The following CFAP251 variants were observed in gnomAD, a reference collection of about 807,000 sequenced individuals.
The protein encoded by CFAP251 is cilia- and flagella-associated protein 251.
Under a neutral mutation model 126.7 loss-of-function variants are expected in CFAP251, and 93 were observed. The observed-to-expected ratio is 0.73, with a 90% confidence interval of 0.62 to 0.87. The LOEUF is 0.87. Ranked by LOEUF, CFAP251 falls within the 40% of genes least tolerant of loss-of-function variation. CFAP251 has a pLI of 0.00. For synonymous variants in CFAP251, 503 were observed against 506.9 expected (o/e 0.99, Z 0.10); for missense variants, 1,287 against 1,389.2 (o/e 0.93, Z 1.17).
chr12:121,955,145 T>C (rs1881683562), intron 10 of CFAP251, among the ~76,000 whole-genome samples: 1 of 151,880 alleles, frequency 6.6e-6, no homozygotes. Flanking sequence ...AATACAAAAA[T>C]TAGGCAGGTG....
intron 8 of CFAP251, 41 bp downstream of exon 8, chr12:121,949,102 A>C: frequency 1.5e-6 from 2 of 1,332,368 alleles, no homozygotes; most frequent in Non-Finnish European, 2.1e-6. Flanking sequence ...TGTGGGTAGA[A>C]GTATGTGTTC....
At chr12:121,921,262 T>C (rs749259312) in intron 1 of CFAP251, 24 bp from the exon 2 acceptor site, 1 of 1,528,484 alleles carries the variant, frequency 6.5e-7, no homozygotes, top group Admixed American at 2.2e-5. Flanking sequence ...GGCCAGCTGG[T>C]TATTATGGTC....
At chr12:121,945,708 T>C (rs1678951) in intron 7 of CFAP251, among the ~76,000 whole-genome samples, 133,693 of 151,594 alleles carry the variant, frequency 0.88, 59,088 homozygotes, top group African/African-American at 0.95. Flanking sequence ...CTCTGTCACC[T>C]AGGCTGGAGT....
At chr12:122,001,798 C>T (rs1883158858) in intron 21 of CFAP251, 200 bp downstream of exon 21, 2 of 587,442 alleles carry the variant, frequency 3.4e-6, no homozygotes, top group East Asian at 5.8e-5. Context: ...CTCTGTCCGT[C>T]CTTTTGTTTC....
chr12:121,976,916 TAATA>T (rs1182386354), intron 19 of CFAP251, among the ~76,000 whole-genome samples: 5 of 152,112 alleles, frequency 3.3e-5, no homozygotes, highest in African/African-American at 7.2e-5. Context: ...TCAAAAAAAT[TAATA>T]AATAAATAAA....
rs1565911281 is a variant in CFAP251 at position 121,954,281 on chromosome 12, T to G, written c.1482T>G (p.Cys494Trp). The change falls in exon 10 of 22, where the codon TGT becomes TGG. Residue 494 changes from cysteine (C) to tryptophan (W), a missense_variant. Transcript: ENST00000288912. ...TFLGFPYIKPCKLVHLQKEGI... is the reference protein window; with the variant it reads ...TFLGFPYIKPWKLVHLQKEGI... ...TGGGCTTTCCCTATATCAAGCCTTGTAAATTGGTTCATTTGCAGAAAGAGG... is the reference window on the plus strand; with the variant it reads ...TGGGCTTTCCCTATATCAAGCCTTGGAAATTGGTTCATTTGCAGAAAGAGG... 5.6e-6 allele frequency: 9 copies of G among 1,614,056 alleles called. No individual in the cohort carries two copies. In the South Asian group the frequency reaches 9.9e-5, roughly 18 times the overall value.
At chr12:122,003,094 G>A (rs1033054152) in intron 21 of CFAP251, among the ~76,000 whole-genome samples, 1 of 152,120 alleles carries the variant, frequency 6.6e-6, no homozygotes, top group African/African-American at 2.4e-5. Flanking sequence ...ATCATACCAT[G>A]TGGTTAAGGC....
At chr12:121,981,645 C>T (rs1000359339) in intron 19 of CFAP251, among the ~76,000 whole-genome samples, 1 of 152,244 alleles carries the variant, frequency 6.6e-6, no homozygotes, top group Non-Finnish European at 1.5e-5. Flanking sequence ...GGCCTGCAGG[C>T]ACCTGAGGTT....
At chr12:121,958,568 C>T (rs1187124267) in intron 12 of CFAP251, 46 bp downstream of exon 12, 2 of 1,607,172 alleles carry the variant, frequency 1.2e-6, no homozygotes, top group South Asian at 2.2e-5. Flanking sequence ...ATGGACAGCC[C>T]TGAAAGGGAT....
At chr12:121,978,932 C>T (rs1882549013) in intron 19 of CFAP251, among the ~76,000 whole-genome samples, 1 of 152,124 alleles carries the variant, frequency 6.6e-6, no homozygotes, top group Non-Finnish European at 1.5e-5. Context: ...AAATTGCAGA[C>T]CCTATTGCTA....
At chr12:121,999,517 G>A (rs1883100315) in intron 19 of CFAP251, 199 bp from the exon 20 acceptor site, 1 of 452,746 alleles carries the variant, frequency 2.2e-6, no homozygotes, top group African/African-American at 2.0e-5. Context: ...TGTATTTTTA[G>A]TAGAGACAGG....
At chr12:121,935,247 G>A (rs980085721) in intron 5 of CFAP251, among the ~76,000 whole-genome samples, 7 of 152,216 alleles carry the variant, frequency 4.6e-5, no homozygotes, top group East Asian at 3.9e-4. Context: ...ATGAGCCACC[G>A]CATCCGATCT....
chr12:121,979,233 G>A (rs1336259157), intron 19 of CFAP251, among the ~76,000 whole-genome samples: 1 of 152,168 alleles, frequency 6.6e-6, no homozygotes, highest in Non-Finnish European at 1.5e-5. Context: ...CTCCTCTAAA[G>A]GTCTTTGGCT....
intron 17 of CFAP251, chr12:121,968,964 C>G (rs964342570): frequency 1.0e-6 from 1 of 985,422 alleles, no homozygotes; most frequent in Non-Finnish European, 1.2e-6. Flanking sequence ...CTACCCAAAT[C>G]CGGCATGCTG....
chr12:121,934,388 T>C (rs771257867), intron 5 of CFAP251, 32 bp downstream of exon 5: 2 of 1,522,690 alleles, frequency 1.3e-6, no homozygotes, highest in Admixed American at 1.7e-5. Context: ...CTTTTTTCCC[T>C]GAATTTCTGT....
At chr12:121,949,178 A>G (rs912594325) in intron 8 of CFAP251, 117 bp downstream of exon 8, 9 of 532,466 alleles carry the variant, frequency 1.7e-5, no homozygotes, top group East Asian at 6.9e-5. Context: ...AGCAATGAAT[A>G]TATATTAAAA....
At chr12:121,970,755 G>A (rs1037496287) in intron 17 of CFAP251, among the ~76,000 whole-genome samples, 6 of 152,228 alleles carry the variant, frequency 3.9e-5, no homozygotes, top group Admixed American at 6.5e-5. Flanking sequence ...CACGGACAGC[G>A]GCACACTTGG....
At chr12:121,927,728 T>C (rs1880476306) in intron 3 of CFAP251, among the ~76,000 whole-genome samples, 1 of 152,202 alleles carries the variant, frequency 6.6e-6, no homozygotes. Flanking sequence ...CATCCTCCTT[T>C]TCCTTTGGGG....
At chr12:121,984,065 G>A (rs1882690601) in intron 19 of CFAP251, among the ~76,000 whole-genome samples, 1 of 152,172 alleles carries the variant, frequency 6.6e-6, no homozygotes, top group African/African-American at 2.4e-5. Context: ...AGACGCAGAT[G>A]CAGGGTTTAA....
Sources: gnomAD v4.1 joint callset for allele counts (sites outside exome capture counted in the v4.1 genomes callset) on GRCh38, gnomAD v4.1.1 for gene constraint, MANE v1.5 for transcripts, NCBI Gene and HGNC (gene_info 2026-07-23, HGNC 2026-07-21) for gene names.